PARVA: variants seen among roughly 807,000 people sequenced by gnomAD.
The protein encoded by PARVA is alpha-parvin.
A neutral mutation model predicts 52.6 loss-of-function variants in PARVA; 25 were observed. The observed-to-expected ratio is 0.48, with a 90% confidence interval of 0.35 to 0.66. PARVA has a LOEUF of 0.66. Among genes scored for constraint, PARVA ranks in the 30% least tolerant of loss-of-function variants. PARVA has a pLI of 0.01. For synonymous variants in PARVA, 185 were observed against 179.1 expected (o/e 1.03, Z -0.26); for missense variants, 373 against 450.9 (o/e 0.83, Z 1.56).
chr11:12,378,385 T>C (rs181484228), intron 1 of PARVA, among the ~76,000 whole-genome samples: 112 of 152,192 alleles, frequency 7.4e-4, no homozygotes, highest in Non-Finnish European at 1.4e-3. Context: ...CGAGTGTTTG[T>C]TGAATGAATG....
chr11:12,480,808 G>GT (rs1452149390), intron 4 of PARVA: 42 of 86,850 alleles, frequency 4.8e-4, no homozygotes, highest in African/African-American at 1.8e-3. Flanking sequence ...CCAGTTTGCG[G>GT]TAAAAAAAAA....
intron 3 of PARVA, among the ~76,000 whole-genome samples, chr11:12,474,864 G>T (rs892135440): frequency 6.6e-6 from 1 of 151,364 alleles, no homozygotes; most frequent in African/African-American, 2.4e-5. Flanking sequence ...TACTCGGGAG[G>T]CTGAGGTGGG....
At chr11:12,461,123 T>G (rs1940773157) in intron 1 of PARVA, among the ~76,000 whole-genome samples, 1 of 152,168 alleles carries the variant, frequency 6.6e-6, no homozygotes, top group African/African-American at 2.4e-5. Flanking sequence ...GTGGCTGCCC[T>G]TTAGGAACCA....
chr11:12,517,705 A>C lies in PARVA; in HGVS notation c.963A>C (p.Glu321Asp), dbSNP rs780590825. 1 of 1,594,928 alleles carries C rather than the reference A, an allele frequency of 6.3e-7. No homozygotes were observed. The highest frequency in any genetic ancestry group is 1.7e-5 in the Admixed American group (1 of 57,700). Residue 321 changes from glutamate (E) to aspartate (D), a missense_variant, in exon 11 of 13, where the codon GAA becomes GAC. Coordinates refer to ENST00000334956, the MANE Select transcript of PARVA (RefSeq NM_018222.5). ...HSFFLTPDSF[E>D]QKVLNVSFAF... ...TCTTCCTGACCCCGGACAGCTTTGA[A>C]CAGAAGGTAAGGAGAAGGGACATCA...
intron 10 of PARVA, among the ~76,000 whole-genome samples, chr11:12,517,084 C>T (rs1034946735): frequency 6.6e-6 from 1 of 152,128 alleles, no homozygotes; most frequent in African/African-American, 2.4e-5. Context: ...ACCTCCCCCT[C>T]CTCCCTCTGT....
intron 5 of PARVA, among the ~76,000 whole-genome samples, chr11:12,503,622 C>T (rs374672050): frequency 1.3e-5 from 2 of 152,078 alleles, no homozygotes; most frequent in South Asian, 4.1e-4. Flanking sequence ...GTCCCAGCTA[C>T]TCCACAGAGG....
intron 1 of PARVA, among the ~76,000 whole-genome samples, chr11:12,438,260 A>C (rs1460794825): frequency 1.7e-5 from 2 of 115,502 alleles, no homozygotes; most frequent in Admixed American, 1.6e-4. Context: ...ACTGCATCTC[A>C]AAAAAAAAAA....
intron 12 of PARVA, among the ~76,000 whole-genome samples, chr11:12,521,469 C>T (rs1447234995): frequency 8.5e-5 from 13 of 152,132 alleles, no homozygotes; most frequent in Admixed American, 8.5e-4. Flanking sequence ...AAGTAGAAAA[C>T]AGTTTGTTCT....
Position 12,513,806 on chromosome 11 carries a change from A to G in PARVA, c.799-191A>G, listed in dbSNP as rs1482164233. The G allele has an allele frequency of 9.9e-6, 6 of 609,128 alleles. No homozygotes were observed. The East Asian group carries it at 1.4e-4, about 14-fold the overall frequency. 37.7% of individuals were successfully genotyped at this position (609,128 alleles called of 1,614,324 possible). Reference sequence around the variant, plus strand: ...ACGCCCTGAGTTGTATGGGACTGCAAAGTCGAGCCTGTGGCCCTCCCTGTG... The same window carrying G: ...ACGCCCTGAGTTGTATGGGACTGCAGAGTCGAGCCTGTGGCCCTCCCTGTG... On this transcript the variant is annotated intron_variant, in intron 9 of 12. Transcript: ENST00000334956.
intron 5 of PARVA, among the ~76,000 whole-genome samples, chr11:12,499,415 C>G (rs1235364271): frequency 6.7e-6 from 1 of 149,810 alleles, no homozygotes; most frequent in Non-Finnish European, 1.5e-5. Flanking sequence ...GGTCCTTGAT[C>G]TGGGGCTTTA....
At position 12,508,568 on chromosome 11, in the gene PARVA, C is replaced by T. The variant is rs190842808; in HGVS notation, c.658-16C>T. On this transcript the variant is annotated splice_polypyrimidine_tract_variant and intron_variant, in intron 6 of 12. Coordinates refer to ENST00000334956, the MANE Select transcript of PARVA (RefSeq NM_018222.5). Reference sequence around the variant, plus strand: ...TTCTCTTCTCCTCCCAACCCCTTTCCCCACCCCCATTTCAGAAACGAGAAG... The same window carrying T: ...TTCTCTTCTCCTCCCAACCCCTTTCTCCACCCCCATTTCAGAAACGAGAAG... 1,337 of 1,600,864 alleles carry T rather than the reference C, an allele frequency of 8.4e-4. 3 individuals carry two copies. Among genetic ancestry groups the T allele is most frequent in the Middle Eastern group, 2.3e-3 (14 of 6,046 alleles).
chr11:12,457,939 C>T (rs1589964830), intron 1 of PARVA, among the ~76,000 whole-genome samples: 1 of 152,250 alleles, frequency 6.6e-6, no homozygotes, highest in East Asian at 1.9e-4. Flanking sequence ...TCCTTCACCA[C>T]TGGAGCTAGA....
chr11:12,498,786 G>A (rs1318642861), intron 5 of PARVA, among the ~76,000 whole-genome samples: 2 of 151,974 alleles, frequency 1.3e-5, no homozygotes, highest in African/African-American at 2.4e-5. Context: ...TGGCCAGGCT[G>A]GTCTCAAAGT....
intron 1 of PARVA, among the ~76,000 whole-genome samples, chr11:12,430,273 G>A (rs6485735): frequency 1.3e-5 from 2 of 152,078 alleles, no homozygotes; most frequent in African/African-American, 4.8e-5. Flanking sequence ...GTGATGAGTT[G>A]TGAGTATTAC....
intron 5 of PARVA, among the ~76,000 whole-genome samples, chr11:12,497,545 G>T (rs925646450): frequency 6.6e-6 from 1 of 152,168 alleles, no homozygotes; most frequent in African/African-American, 2.4e-5. Flanking sequence ...AACATCTGAC[G>T]TTGGGGCTGA....
chr11:12,480,624 T>C (rs1171676280), intron 4 of PARVA: 2 of 152,068 alleles, frequency 1.3e-5, no homozygotes, highest in African/African-American at 2.4e-5. Flanking sequence ...ACGTTAGGCA[T>C]TGCGTACAAG....
intron 3 of PARVA, 103 bp downstream of exon 3, chr11:12,474,086 A>G: frequency 1.1e-6 from 1 of 900,068 alleles, no homozygotes. Context: ...GAGAGAAGGT[A>G]AAAAGTCATG....
At chr11:12,436,272 G>T (rs1404933488) in intron 1 of PARVA, among the ~76,000 whole-genome samples, 1 of 152,156 alleles carries the variant, frequency 6.6e-6, no homozygotes, top group African/African-American at 2.4e-5. Context: ...TTATAAACCT[G>T]ACAACTCACC....
intron 12 of PARVA, among the ~76,000 whole-genome samples, chr11:12,520,569 G>A (rs1166088465): frequency 2.6e-5 from 4 of 152,212 alleles, no homozygotes; most frequent in Admixed American, 6.5e-5. Context: ...TTGTATCTGA[G>A]ATGACTTGCT....
Sources: allele counts gnomAD v4.1 joint callset (sites outside exome capture counted in the v4.1 genomes callset), GRCh38; gene constraint gnomAD v4.1.1; transcripts MANE v1.5; gene names NCBI Gene and HGNC (gene_info 2026-07-23, HGNC 2026-07-21).